ENOX1: variants seen among roughly 807,000 people sequenced by gnomAD.
ENOX1 encodes the protein ecto-NOX disulfide-thiol exchanger 1, also known as candidate growth-related and time keeping constitutive hydroquinone (NADH) oxidase.
In ENOX1, 42 loss-of-function variants were observed where a neutral mutation model predicts 82.5. The observed-to-expected ratio is 0.51, with a 90% confidence interval of 0.40 to 0.66. The LOEUF (loss-of-function observed/expected upper bound fraction) is 0.66. Ranked by LOEUF, ENOX1 falls within the 30% of genes least tolerant of loss-of-function variation. The pLI is 0.00. For synonymous variants in ENOX1, 271 were observed against 282.2 expected (o/e 0.96, Z 0.40); for missense variants, 608 against 811.6 (o/e 0.75, Z 3.05).
At chr13:43,377,330 C>A (rs765635393) in intron 5 of ENOX1, among the ~76,000 whole-genome samples, 46 of 152,222 alleles carry the variant, frequency 3.0e-4, no homozygotes, top group Non-Finnish European at 3.1e-4. Flanking sequence ...AAGGCCCTCA[C>A]CAGATGGCTG....
At chr13:43,476,136 A>G (rs1405521263) in intron 3 of ENOX1, among the ~76,000 whole-genome samples, 3 of 152,166 alleles carry the variant, frequency 2.0e-5, no homozygotes, top group Non-Finnish European at 4.4e-5. Flanking sequence ...TAACCTCTAC[A>G]AATATTACTG....
intron 1 of ENOX1, among the ~76,000 whole-genome samples, chr13:43,671,330 A>G (rs990960015): frequency 2.6e-5 from 4 of 152,330 alleles, no homozygotes; most frequent in South Asian, 4.1e-4. Context: ...CATAAGGTCA[A>G]TATAGGGTGT....
intron 14 of ENOX1, among the ~76,000 whole-genome samples, chr13:43,244,869 C>T (rs2043007538): frequency 6.6e-6 from 1 of 152,174 alleles, no homozygotes; most frequent in African/African-American, 2.4e-5. Flanking sequence ...CTGCTAATTG[C>T]TCATAGGCCC....
chr13:43,584,381 A>T (rs2080882523), intron 2 of ENOX1, among the ~76,000 whole-genome samples: 2 of 152,212 alleles, frequency 1.3e-5, no homozygotes, highest in Admixed American at 1.3e-4. Flanking sequence ...TTCAGGGAAG[A>T]TGTATAAGCT....
intron 2 of ENOX1, among the ~76,000 whole-genome samples, chr13:43,509,827 G>T (rs1350626335): frequency 1.3e-5 from 2 of 151,608 alleles, no homozygotes; most frequent in Admixed American, 1.3e-4. Flanking sequence ...AAGCTGGTTT[G>T]CTTTTCCTAA....
At chr13:43,217,637 C>T (rs1247921468) in intron 16 of ENOX1, among the ~76,000 whole-genome samples, 2 of 152,148 alleles carry the variant, frequency 1.3e-5, no homozygotes, top group Non-Finnish European at 2.9e-5. Context: ...AAAGGAGACA[C>T]AAAAGATTTG....
Position 43,491,864 on chromosome 13 carries a change from AT to A in ENOX1, c.-218-7713del, listed in dbSNP as rs2076630610. On this transcript the variant is annotated intron_variant, in intron 2 of 16. Coordinates refer to ENST00000690772, the MANE Select transcript of ENOX1 (RefSeq NM_001347969.2). ...ACTAAAGAACTTACAAGGGCTCCCT[AT>A]TTTCCAAAGATCAGACCTAAGTTAT... Among the ~76,000 whole-genome samples the A allele has an allele frequency of 2.0e-5, 3 of 152,292 alleles. No homozygotes were observed. The East Asian group carries it at 5.8e-4, about 29-fold the overall frequency.
chr13:43,542,084 A>T (rs1159457810), intron 2 of ENOX1, among the ~76,000 whole-genome samples: 1 of 152,182 alleles, frequency 6.6e-6, no homozygotes, highest in African/African-American at 2.4e-5. Flanking sequence ...CAACTGCAAA[A>T]ACAAACAGTA....
At chr13:43,500,184 A>T (rs1237746004) in intron 2 of ENOX1, among the ~76,000 whole-genome samples, 1 of 152,158 alleles carries the variant, frequency 6.6e-6, no homozygotes, top group African/African-American at 2.4e-5. Flanking sequence ...CAGAAAGCTT[A>T]TTTAAAGAAA....
At chr13:43,389,923 A>AG (rs1326986229) in intron 5 of ENOX1, among the ~76,000 whole-genome samples, 3 of 152,128 alleles carry the variant, frequency 2.0e-5, no homozygotes, top group Non-Finnish European at 4.4e-5. Flanking sequence ...CACTTGACAG[A>AG]GGGGGAGAAG....
intron 15 of ENOX1, among the ~76,000 whole-genome samples, chr13:43,234,591 G>A (rs2042433959): frequency 6.6e-6 from 1 of 152,094 alleles, no homozygotes; most frequent in African/African-American, 2.4e-5. Flanking sequence ...GAAAAGTCTT[G>A]GAAAATTTAG....
At position 43,731,829 on chromosome 13, in the gene ENOX1, G is replaced by A. The variant is rs746087189; in HGVS notation, c.-285+54823C>T. The stretch of plus-strand genomic sequence containing the variant: ...GCACAATATTTTAGCAAAACATCAC[G>A]ATTTATAATACATAATGATAATAAA... On this transcript the variant is annotated intron_variant, in intron 1 of 16. Transcript: ENST00000690772. Among the ~76,000 whole-genome samples the A allele has an allele frequency of 8.5e-5, 13 of 152,082 alleles. 1 individual carries two copies. The South Asian group carries it at 2.5e-3, about 29-fold the overall frequency.
At chr13:43,571,837 A>G (rs1390218152) in intron 2 of ENOX1, among the ~76,000 whole-genome samples, 1 of 152,060 alleles carries the variant, frequency 6.6e-6, no homozygotes, top group Non-Finnish European at 1.5e-5. Flanking sequence ...CCTTCCCAGC[A>G]ATCTCTACAC....
At chr13:43,579,115 G>C (rs978098001) in intron 2 of ENOX1, among the ~76,000 whole-genome samples, 17 of 151,900 alleles carry the variant, frequency 1.1e-4, no homozygotes, top group African/African-American at 3.6e-4. Context: ...ATGTCATAGG[G>C]TTGCTTGAAG....
At chr13:43,261,258 G>A (rs2044039967) in intron 14 of ENOX1, among the ~76,000 whole-genome samples, 1 of 152,140 alleles carries the variant, frequency 6.6e-6, no homozygotes, top group Non-Finnish European at 1.5e-5. Context: ...TAAGACAAAT[G>A]AGGAAATACA....
At chr13:43,460,861 A>T (rs1366746357) in intron 3 of ENOX1, among the ~76,000 whole-genome samples, 1 of 140,510 alleles carries the variant, frequency 7.1e-6, no homozygotes, top group Middle Eastern at 3.3e-3. Context: ...CCAAGGGAGT[A>T]GGTCGCCTTG....
Position 43,213,933 on chromosome 13 carries a change from C to T in ENOX1, c.*57G>A, listed in dbSNP as rs2041319008. 9.5e-6 allele frequency: 15 copies of T among 1,574,310 alleles called. No individual in the cohort carries two copies. The highest frequency in any genetic ancestry group is 3.5e-5 in the Admixed American group (2 of 57,466). ...CCCCACACCTCCTGCTTCCCCGTCG[C>T]ACCGCCCTGGCCAGGTTCACATGGT... is the stretch of plus-strand genomic sequence containing the variant. On this transcript the variant is annotated 3_prime_UTR_variant, in exon 17 of 17. Coordinates refer to ENST00000690772, the MANE Select transcript of ENOX1 (RefSeq NM_001347969.2).
intron 12 of ENOX1, among the ~76,000 whole-genome samples, chr13:43,296,451 C>G (rs2046290404): frequency 6.6e-6 from 1 of 152,206 alleles, no homozygotes; most frequent in Non-Finnish European, 1.5e-5. Flanking sequence ...GAGTCAGACT[C>G]TTCCTTACAG....
intron 2 of ENOX1, among the ~76,000 whole-genome samples, chr13:43,605,507 C>G (rs140501555): frequency 6.0e-4 from 92 of 152,218 alleles, no homozygotes; most frequent in African/African-American, 1.9e-3. Context: ...CAAATCCATA[C>G]ATCTACAGTA....
Sources: gnomAD v4.1 joint callset for allele counts (sites outside exome capture counted in the v4.1 genomes callset) on GRCh38, gnomAD v4.1.1 for gene constraint, MANE v1.5 for transcripts, NCBI Gene and HGNC (gene_info 2026-07-23, HGNC 2026-07-21) for gene names.